Variants in VPS53 observed in about 807,000 individuals in gnomAD.
VPS53 encodes the protein vacuolar protein sorting-associated protein 53 homolog.
VPS53 carries 70 observed loss-of-function variants against 107.0 expected under a neutral mutation model. The ratio of observed to expected loss-of-function variants is 0.65; its 90% CI spans 0.54 to 0.80. VPS53 has a LOEUF of 0.80. Ranked by LOEUF, VPS53 falls within the 30% of genes least tolerant of loss-of-function variation. The pLI is 0.00. For missense variants in VPS53, 917 were observed against 1,049.4 expected (o/e 0.87, Z 1.74); for synonymous variants, 409 against 393.3 (o/e 1.04, Z -0.47).
At chr17:701,268 G>C (rs144015318) in intron 2 of VPS53, among the ~76,000 whole-genome samples, 2 of 151,854 alleles carry the variant, frequency 1.3e-5, no homozygotes, top group East Asian at 3.9e-4. Context: ...CGAGGCTGCA[G>C]TAAGTCATGT....
intron 17 of VPS53, among the ~76,000 whole-genome samples, chr17:546,376 C>CACACAT (rs56755703): frequency 1.4e-5 from 2 of 146,896 alleles, no homozygotes; most frequent in Admixed American, 1.4e-4. Context: ...CACACACACA[C>CACACAT]GATATACCAA....
Position 519,063 on chromosome 17 carries a change from T to A in VPS53, c.*65A>T. 1 of 1,433,864 alleles carries A rather than the reference T, an allele frequency of 7.0e-7. No individual in the cohort carries two copies. The highest frequency in any genetic ancestry group is 2.6e-5 in the East Asian group (1 of 38,280). The allele number at this position is 1,433,864 out of a possible 1,614,324, so 88.8% of individuals were successfully genotyped here. A position where few individuals can be genotyped will look rare whatever the true frequency, so the allele number is the denominator to read the frequency against. On this transcript the variant is annotated 3_prime_UTR_variant, in exon 22 of 22. Transcript: ENST00000437048. This position sits in a 1 kb window ranked among gnomAD's most constrained non-coding sequence, Gnocchi z 5.0. Reference sequence around the variant, plus strand: ...AGAGTGCCGGGGAGCACAGGAGAGGTTGGGGGCTTCTGGGGAACGGGCGCT... The same window carrying A: ...AGAGTGCCGGGGAGCACAGGAGAGGATGGGGGCTTCTGGGGAACGGGCGCT...
At chr17:534,059 C>T (rs1303936167) in intron 18 of VPS53, among the ~76,000 whole-genome samples, 1 of 152,128 alleles carries the variant, frequency 6.6e-6, no homozygotes, top group African/African-American at 2.4e-5. Context: ...AGGCTGGTCT[C>T]GAACTCCTGG....
intron 19 of VPS53, among the ~76,000 whole-genome samples, chr17:531,351 T>C (rs541562771): frequency 3.3e-4 from 51 of 152,340 alleles, no homozygotes; most frequent in African/African-American, 1.2e-3. Flanking sequence ...CAGATGGTTT[T>C]CTCATCCACA....
intron 15 of VPS53, among the ~76,000 whole-genome samples, chr17:555,091 T>C (rs1312307178): frequency 6.6e-6 from 1 of 152,248 alleles, no homozygotes; most frequent in Non-Finnish European, 1.5e-5. Context: ...AGGCTTATCA[T>C]GCTTAAACTC....
At chr17:546,872 T>A in intron 17 of VPS53, among the ~76,000 whole-genome samples, 1 of 4,354 alleles carries the variant, frequency 2.3e-4, no homozygotes, top group East Asian at 0.029. Flanking sequence ...CTTAGATCCT[T>A]TTTTTTTTTT....
chr17:533,724 C>T (rs1909783517), intron 18 of VPS53, among the ~76,000 whole-genome samples: 1 of 152,196 alleles, frequency 6.6e-6, no homozygotes, highest in Non-Finnish European at 1.5e-5. Flanking sequence ...GTCTATTTTG[C>T]TTCACCTGAC....
intron 5 of VPS53, among the ~76,000 whole-genome samples, chr17:660,989 A>G (rs1971413614): frequency 6.6e-6 from 1 of 152,084 alleles, no homozygotes; most frequent in Non-Finnish European, 1.5e-5. Flanking sequence ...TTCTGAGCAC[A>G]ACACCGGGGG....
intron 14 of VPS53, among the ~76,000 whole-genome samples, chr17:561,413 T>C (rs1255082891): frequency 6.6e-6 from 1 of 152,212 alleles, no homozygotes; most frequent in African/African-American, 2.4e-5. Flanking sequence ...CATTTTTTTC[T>C]GCTGAGATGC....
Position 511,523 on chromosome 17 carries a change from A to T in VPS53, c.*7605T>A, listed in dbSNP as rs572630348. 6.6e-6 allele frequency: 1 copy of T among 152,126 alleles called. No homozygotes were observed. Among genetic ancestry groups the T allele is most frequent in the Admixed American group, 6.6e-5 (1 of 15,260 alleles). The allele number at this position is 152,126 out of a possible 1,614,324, so 9.4% of individuals were successfully genotyped here. On this transcript the variant is annotated 3_prime_UTR_variant, in exon 22 of 22. Transcript: ENST00000437048. ...GACGCTATTTTTATTTTAACATCTC[A>T]TATTGCCCCAGGTTCTCTGAGTCAA...
chr17:713,434 C>G (rs1221981445), intron 1 of VPS53, among the ~76,000 whole-genome samples: 1 of 151,822 alleles, frequency 6.6e-6, no homozygotes, highest in Non-Finnish European at 1.5e-5. Context: ...GGGCGGATAG[C>G]CTGAGGTCAG....
intron 4 of VPS53, among the ~76,000 whole-genome samples, chr17:692,451 G>T (rs371245365): frequency 6.6e-6 from 1 of 152,118 alleles, no homozygotes; most frequent in African/African-American, 2.4e-5. Context: ...ACCAGTTCAA[G>T]CTGGCCCACA....
At chr17:668,758 G>A (rs1220776532) in intron 4 of VPS53, among the ~76,000 whole-genome samples, 1 of 152,104 alleles carries the variant, frequency 6.6e-6, no homozygotes, top group African/African-American at 2.4e-5. Context: ...AGGCAAAAAA[G>A]GGGCTAAGTT....
At chr17:666,425 A>G (rs1971688218) in intron 4 of VPS53, among the ~76,000 whole-genome samples, 1 of 152,224 alleles carries the variant, frequency 6.6e-6, no homozygotes. Context: ...GCACTTTGGG[A>G]GGCCAGGGCG....
At position 515,808 on chromosome 17, in the gene VPS53, T is replaced by A. The variant is rs1477637491; in HGVS notation, c.*3320A>T. ...GTCCCCACCACCACCAAAAGTCTTT[T>A]TTTTTTAACTGAGTCTCACTCTGTC... On this transcript the variant is annotated 3_prime_UTR_variant, in exon 22 of 22. Transcript: ENST00000437048. 1 of 151,854 alleles carries A rather than the reference T, an allele frequency of 6.6e-6. No homozygotes were observed. The highest frequency in any genetic ancestry group is 1.5e-5 in the Non-Finnish European group (1 of 67,982). The allele number at this position is 151,854 out of a possible 1,614,324, so 9.4% of individuals were successfully genotyped here.
At chr17:521,766 G>C in intron 19 of VPS53, 28 bp from the exon 20 acceptor site, 5 of 1,483,096 alleles carry the variant, frequency 3.4e-6, no homozygotes, top group Non-Finnish European at 4.5e-6. Context: ...GAGCATTACC[G>C]GCCCCTTCCA....
intron 12 of VPS53, among the ~76,000 whole-genome samples, chr17:598,850 AC>A (rs1597363245): frequency 4.5e-5 from 3 of 66,544 alleles, no homozygotes; most frequent in Admixed American, 1.8e-4. Flanking sequence ...CCCGGCAGCC[AC>A]CCCGTCCGGG....
At chr17:689,687 T>C (rs1291696149) in intron 4 of VPS53, among the ~76,000 whole-genome samples, 1 of 152,100 alleles carries the variant, frequency 6.6e-6, no homozygotes, top group Non-Finnish European at 1.5e-5. Flanking sequence ...TTGGCCAGGC[T>C]GGTCTTAAAC....
intron 7 of VPS53, among the ~76,000 whole-genome samples, chr17:633,988 G>A (rs1430744439): frequency 6.6e-6 from 1 of 152,138 alleles, no homozygotes; most frequent in African/African-American, 2.4e-5. Flanking sequence ...AAGCCACAGG[G>A]AACTTATAGT....
Sources: allele counts gnomAD v4.1 joint callset (sites outside exome capture counted in the v4.1 genomes callset), GRCh38; gene constraint gnomAD v4.1.1; non-coding constraint Gnocchi (gnomAD v3.1); transcripts MANE v1.5; gene names NCBI Gene and HGNC (gene_info 2026-07-23, HGNC 2026-07-21).